The following GYG2 variants were observed in gnomAD, a reference collection of about 807,000 sequenced individuals.
GYG2 encodes the protein glycogenin 2.
GYG2 carries 29 observed loss-of-function variants against 29.4 expected under a neutral mutation model. That is an observed-to-expected ratio of 0.99 (90% CI 0.74 to 1.35). GYG2 has a LOEUF of 1.35. Ranked by LOEUF, GYG2 falls within the 40% of genes most tolerant of loss-of-function variation. The pLI is 0.00. For synonymous variants in GYG2, 167 were observed against 172.3 expected (o/e 0.97, Z 0.24); for missense variants, 370 against 385.7 (o/e 0.96, Z 0.34).
In GYG2 at chrX:2,875,893, C is replaced by T. The variant is rs2088581430; in HGVS notation, c.1122C>T (p.Phe374=). The change falls in exon 9 of 11, where the codon TTC becomes TTT. Residue 374 remains phenylalanine (F), a synonymous_variant. Coordinates refer to ENST00000398806, the MANE Select transcript of GYG2 (RefSeq NM_001079855.2). ...LSQPSPQPAD[F]TETETILQPA... Reference sequence around the variant, plus strand: ...AGCCTTCCCCTCAGCCTGCAGACTTCACAGAGACTGAAACCATCTTGGTAT... The same window carrying T: ...AGCCTTCCCCTCAGCCTGCAGACTTTACAGAGACTGAAACCATCTTGGTAT... 1.7e-6 allele frequency: 2 copies of T among 1,150,698 alleles called. No homozygotes were observed. The highest frequency in any genetic ancestry group is 2.4e-6 in the Non-Finnish European group (2 of 840,583). 94.8% of individuals were successfully genotyped at this position (1,150,698 alleles called of 1,213,427 possible).
intron 3 of GYG2, among the ~76,000 whole-genome samples, chrX:2,847,719 TAAATAAATAA>T (rs2087771620): frequency 4.0e-5 from 4 of 100,649 alleles, no homozygotes; most frequent in Non-Finnish European, 7.8e-5. Context: ...AATAAATAAA[TAAATAAATAA>T]ATAAATAAAT....
rs1176046466 is a variant in GYG2 at position 2,835,015 on chromosome X, A to AGG, written c.7+4821_7+4822insGG. On this transcript the variant is annotated intron_variant, in intron 2 of 10. Coordinates refer to ENST00000398806, the MANE Select transcript of GYG2 (RefSeq NM_001079855.2). ...GGTACAGCTTGCTTTTACACATTTC[A>AGG]GAGACATGAGACATCAGTCAATACA... 5.5e-3 allele frequency among the ~76,000 whole-genome samples: 617 copies of AGG among 111,529 alleles called. 9 individuals carry two copies. Among genetic ancestry groups the AGG allele is most frequent in the African/African-American group, 0.018 (534 of 30,314 alleles).
At chrX:2,876,866 G>A (rs1343146786) in intron 9 of GYG2, among the ~76,000 whole-genome samples, 3 of 110,580 alleles carry the variant, frequency 2.7e-5, no homozygotes, top group Admixed American at 9.6e-5. Context: ...GGAGAATGGC[G>A]TGAACCCGGG....
In GYG2 at chrX:2,847,653, C is replaced by T. The variant is rs1051956802; in HGVS notation, c.149+4299C>T. On this transcript the variant is annotated intron_variant, in intron 3 of 10. Transcript: ENST00000398806. ...TCGGGAGGTTAAGGTTGCAATGAGC[C>T]GAGATGGCACCACTGTGCTCCAGCC... Among the ~76,000 whole-genome samples the T allele has an allele frequency of 1.6e-4, 17 of 107,589 alleles. No homozygotes were observed. In the Admixed American group the frequency reaches 1.6e-3, roughly 10 times the overall value. The allele number at this position is 107,589 out of a possible 115,157, so 93.4% of individuals were successfully genotyped here.
chrX:2,852,634 T>G (rs1207218961), intron 3 of GYG2: 2 of 112,278 alleles, frequency 1.8e-5, no homozygotes, highest in African/African-American at 3.2e-5. Context: ...TGTTAGTTTC[T>G]ACCAGCTCAG....
chrX:2,853,694 G>A, intron 3 of GYG2: 1 of 249,372 alleles, frequency 4.0e-6, no homozygotes, highest in Non-Finnish European at 7.1e-6. Context: ...TTTAGCTCAG[G>A]TACATTACTA....
intron 9 of GYG2, among the ~76,000 whole-genome samples, chrX:2,876,230 C>G (rs1337026122): frequency 9.1e-6 from 1 of 110,058 alleles, no homozygotes; most frequent in Non-Finnish European, 1.9e-5. Context: ...GAAAAAGATA[C>G]AGCGTCTATA....
intron 3 of GYG2, among the ~76,000 whole-genome samples, chrX:2,848,326 G>T (rs1374702011): frequency 9.0e-6 from 1 of 110,829 alleles, no homozygotes; most frequent in Non-Finnish European, 1.9e-5. Flanking sequence ...ATCACTTGAG[G>T]TCAGGAGTTC....
At chrX:2,879,270 C>CTTTTTTTT (rs752455317) in intron 10 of GYG2, among the ~76,000 whole-genome samples, 1 of 93,468 alleles carries the variant, frequency 1.1e-5, no homozygotes, top group Non-Finnish European at 2.1e-5. Context: ...TATCTATTTT[C>CTTTTTTTT]TTTTTTTTTT....
chrX:2,855,359 G>C (rs1214322843), intron 5 of GYG2, among the ~76,000 whole-genome samples: 2 of 112,149 alleles, frequency 1.8e-5, no homozygotes, highest in Non-Finnish European at 1.9e-5. Context: ...GTAGCCTACT[G>C]TATACCTAGG....
intron 8 of GYG2, among the ~76,000 whole-genome samples, chrX:2,874,315 T>C (rs1204268805): frequency 8.9e-6 from 1 of 112,322 alleles, no homozygotes; most frequent in Non-Finnish European, 1.9e-5. Context: ...TTGCACATGC[T>C]GATCTGCTTT....
At chrX:2,872,929 G>A (rs2088505892) in intron 8 of GYG2, among the ~76,000 whole-genome samples, 1 of 111,962 alleles carries the variant, frequency 8.9e-6, no homozygotes, top group East Asian at 2.8e-4. Flanking sequence ...TCATTTTTAT[G>A]GGATTCATAT....
intron 3 of GYG2, among the ~76,000 whole-genome samples, chrX:2,846,803 A>C (rs1174395398): frequency 1.9e-5 from 2 of 105,750 alleles, no homozygotes; most frequent in African/African-American, 6.7e-5. Flanking sequence ...TAAATGTACA[A>C]AATTGAAATT....
At chrX:2,863,242 T>A (rs1354949269) in intron 8 of GYG2, among the ~76,000 whole-genome samples, 1 of 109,022 alleles carries the variant, frequency 9.2e-6, no homozygotes, top group Non-Finnish European at 1.9e-5. Context: ...GCCCGGCTAA[T>A]TTTTTGTATT....
intron 10 of GYG2, 31 bp from the exon 11 acceptor site, chrX:2,881,019 CAA>C (rs1457239104): frequency 5.8e-6 from 7 of 1,197,826 alleles, no homozygotes; most frequent in Non-Finnish European, 5.6e-6. Context: ...TGGACAGCTG[CAA>C]AAACCATCTC....
At chrX:2,846,441 GACAAA>G (rs1234153914) in intron 3 of GYG2, among the ~76,000 whole-genome samples, 1 of 110,060 alleles carries the variant, frequency 9.1e-6, no homozygotes, top group African/African-American at 3.3e-5. Context: ...AAGATAAAAT[GACAAA>G]ACTAATAATT....
chrX:2,863,484 C>T (rs192707318), intron 8 of GYG2, among the ~76,000 whole-genome samples: 3,548 of 112,091 alleles, frequency 0.032, 133 homozygotes, highest in African/African-American at 0.11. Flanking sequence ...GAAAGTGATT[C>T]TTTTCTGTAT....
rs766474727 is a variant in GYG2 at position 2,850,103 on chromosome X, C to G, written c.150-3877C>G. 2.8e-5 allele frequency among the ~76,000 whole-genome samples: 3 copies of G among 107,621 alleles called. No individual in the cohort carries two copies. The South Asian group carries it at 1.3e-3, about 47-fold the overall frequency. The allele number at this position is 107,621 out of a possible 115,157, so 93.5% of individuals were successfully genotyped here. The stretch of plus-strand genomic sequence containing the variant: ...CTGCACTCCAGCCTGGGTGACAGAG[C>G]AAGACCCTGTCTCAAAATAATAATA... On this transcript the variant is annotated intron_variant, in intron 3 of 10. Transcript: ENST00000398806.
intron 2 of GYG2, among the ~76,000 whole-genome samples, chrX:2,838,648 G>A (rs1231895990): frequency 9.3e-6 from 1 of 107,301 alleles, no homozygotes; most frequent in Non-Finnish European, 1.9e-5. Flanking sequence ...TGAACCTTCT[G>A]AATCACTCCT....
Sources: gnomAD v4.1 joint callset for allele counts (sites outside exome capture counted in the v4.1 genomes callset) on GRCh38, gnomAD v4.1.1 for gene constraint, MANE v1.5 for transcripts, NCBI Gene and HGNC (gene_info 2026-07-23, HGNC 2026-07-21) for gene names.